Variants in IGSF11 observed in about 807,000 individuals in gnomAD.
The protein encoded by IGSF11 is immunoglobulin superfamily member 11.
Under a neutral mutation model 41.0 loss-of-function variants are expected in IGSF11, and 22 were observed. The ratio of observed to expected loss-of-function variants is 0.54; its 90% CI spans 0.38 to 0.77. The LOEUF is 0.77. IGSF11 is among the 30% of genes least tolerant of loss of function. The probability of loss-of-function intolerance (pLI) is 0.00; values close to 1 mark genes in which losing one functional copy is unlikely to be tolerated. For synonymous variants in IGSF11, 219 were observed against 201.3 expected (o/e 1.09, Z -0.74); for missense variants, 444 against 530.8 (o/e 0.84, Z 1.61).
Position 119,055,388 on chromosome 3 carries a change from G to A in IGSF11, c.49+49756C>T, listed in dbSNP as rs141971146. Among the ~76,000 whole-genome samples, 221 of 152,286 alleles carry A rather than the reference G, an allele frequency of 1.5e-3. 2 individuals carry two copies. The highest frequency in any genetic ancestry group is 4.7e-3 in the African/African-American group (197 of 41,566). On this transcript the variant is annotated intron_variant, in intron 1 of 6. Transcript: ENST00000354673. The stretch of plus-strand genomic sequence containing the variant: ...GAGACAAAGAAGGCCATTACATAAC[G>A]CTAAAGGGATCAATTCAACAAGAAG...
intron 1 of IGSF11, among the ~76,000 whole-genome samples, chr3:118,932,952 TGAAAGA>T (rs1261250908): frequency 2.0e-5 from 3 of 152,034 alleles, no homozygotes; most frequent in Non-Finnish European, 1.5e-5. Context: ...GAACTAAGAA[TGAAAGA>T]GAAAGAGAAA....
At chr3:118,905,395 A>G (rs1939464673) in intron 5 of IGSF11, among the ~76,000 whole-genome samples, 1 of 152,338 alleles carries the variant, frequency 6.6e-6, no homozygotes, top group East Asian at 1.9e-4. Flanking sequence ...ATATTTTTTC[A>G]TAAAGATTAT....
At chr3:118,991,201 C>A (rs763310416) in intron 1 of IGSF11, among the ~76,000 whole-genome samples, 2 of 152,224 alleles carry the variant, frequency 1.3e-5, no homozygotes, top group Non-Finnish European at 2.9e-5. Context: ...TAGACGGAGT[C>A]AGAAACAATT....
intron 1 of IGSF11, among the ~76,000 whole-genome samples, chr3:118,977,204 G>C (rs1934209716): frequency 6.6e-6 from 1 of 152,124 alleles, no homozygotes; most frequent in Non-Finnish European, 1.5e-5. Flanking sequence ...CTAAATACTT[G>C]ATTTGGACAC....
At chr3:119,113,320 G>A (rs116979069) in intron 1 of IGSF11, among the ~76,000 whole-genome samples, 7 of 152,098 alleles carry the variant, frequency 4.6e-5, no homozygotes, top group Admixed American at 2.6e-4. Context: ...TCTCATCTGA[G>A]ACAAGGCAAG....
chr3:119,040,733 G>C (rs1444310141), intron 1 of IGSF11, among the ~76,000 whole-genome samples: 1 of 152,108 alleles, frequency 6.6e-6, no homozygotes, highest in East Asian at 1.9e-4. Flanking sequence ...GACACATGTA[G>C]ATACTGAATA....
At chr3:118,983,869 A>G (rs1383955202) in intron 1 of IGSF11, among the ~76,000 whole-genome samples, 1 of 152,240 alleles carries the variant, frequency 6.6e-6, no homozygotes, top group Non-Finnish European at 1.5e-5. Context: ...CTATGTCTAA[A>G]CAATTTCAGT....
intron 1 of IGSF11, among the ~76,000 whole-genome samples, chr3:119,056,429 T>C (rs180783048): frequency 5.3e-4 from 81 of 152,158 alleles, no homozygotes; most frequent in Admixed American, 3.7e-3. Flanking sequence ...CAGGAAGAAG[T>C]TGAATCTCTG....
intron 1 of IGSF11, among the ~76,000 whole-genome samples, chr3:119,024,990 AAAGT>A (rs2107721030): frequency 6.6e-6 from 1 of 152,022 alleles, no homozygotes; most frequent in East Asian, 1.9e-4. Context: ...AGCCTAAGTC[AAAGT>A]AAGTAGCAAT....
At chr3:119,062,162 C>T (rs1189299361) in intron 1 of IGSF11, among the ~76,000 whole-genome samples, 2 of 152,080 alleles carry the variant, frequency 1.3e-5, no homozygotes, top group Admixed American at 6.6e-5. Flanking sequence ...GTTATTATTA[C>T]CATTATTAGT....
intron 1 of IGSF11, among the ~76,000 whole-genome samples, chr3:119,008,945 A>C (rs1937746402): frequency 6.6e-6 from 1 of 152,188 alleles, no homozygotes; most frequent in Non-Finnish European, 1.5e-5. Flanking sequence ...TGGTTCTATA[A>C]GCAGCTTCCA....
chr3:119,032,186 C>T (rs1473815113), intron 1 of IGSF11, among the ~76,000 whole-genome samples: 1 of 152,132 alleles, frequency 6.6e-6, no homozygotes, highest in African/African-American at 2.4e-5. Context: ...ATTGTAGTGG[C>T]CACTGCTATT....
At chr3:119,012,278 A>G (rs1383466360) in intron 1 of IGSF11, among the ~76,000 whole-genome samples, 3 of 152,176 alleles carry the variant, frequency 2.0e-5, no homozygotes, top group East Asian at 1.9e-4. Flanking sequence ...AATTCAGGAG[A>G]AAAAAACTAC....
chr3:119,067,553 G>A (rs1473203168), intron 1 of IGSF11, among the ~76,000 whole-genome samples: 1 of 152,132 alleles, frequency 6.6e-6, no homozygotes, highest in Non-Finnish European at 1.5e-5. Context: ...ATTTCACTCT[G>A]CCTTTTAGAA....
intron 4 of IGSF11, among the ~76,000 whole-genome samples, chr3:118,919,096 A>G (rs1941474407): frequency 1.4e-5 from 2 of 141,404 alleles, no homozygotes; most frequent in Admixed American, 1.4e-4. Context: ...TACACCTTAT[A>G]GAAAAATCAA....
At chr3:118,978,911 A>C (rs902139224) in intron 1 of IGSF11, among the ~76,000 whole-genome samples, 61 of 152,338 alleles carry the variant, frequency 4.0e-4, no homozygotes, top group Admixed American at 2.1e-3. Context: ...GGAACACGTT[A>C]TCCAGCAATA....
At position 118,923,910 on chromosome 3, in the gene IGSF11, T is replaced by C. The variant is rs534923879; in HGVS notation, c.580+2191A>G. On this transcript the variant is annotated intron_variant, in intron 4 of 6. Coordinates refer to ENST00000393775, the MANE Select transcript of IGSF11 (RefSeq NM_001015887.3). ...GTTTACTTTGATCACTTGGTTAAAG[T>C]GGTATCCAACAGGTCTCTCCCTTAC... 1.1e-4 allele frequency among the ~76,000 whole-genome samples: 16 copies of C among 152,318 alleles called. No individual in the cohort carries two copies. In the East Asian group the frequency reaches 2.7e-3, roughly 26 times the overall value.
At chr3:119,055,935 C>A (rs9833482) in intron 1 of IGSF11, among the ~76,000 whole-genome samples, 26,794 of 152,030 alleles carry the variant, frequency 0.18, 2,864 homozygotes, top group Non-Finnish European at 0.24. Flanking sequence ...AGAAAAAAGA[C>A]TCAACATACC....
chr3:119,049,668 C>A (rs1263432157), intron 1 of IGSF11, among the ~76,000 whole-genome samples: 5 of 152,106 alleles, frequency 3.3e-5, no homozygotes, highest in Admixed American at 1.3e-4. Flanking sequence ...CATATGGAAC[C>A]TAAAAAGAGC....
Sources: allele counts gnomAD v4.1 joint callset (sites outside exome capture counted in the v4.1 genomes callset), GRCh38; gene constraint gnomAD v4.1.1; transcripts MANE v1.5; gene names NCBI Gene and HGNC (gene_info 2026-07-23, HGNC 2026-07-21).